Variants in CHRDL2 observed in about 807,000 individuals in gnomAD.
CHRDL2 encodes chordin like 2.
CHRDL2 carries 41 observed loss-of-function variants against 54.3 expected under a neutral mutation model. The observed-to-expected ratio is 0.76, with a 90% CI of 0.59 to 0.98. The LOEUF (loss-of-function observed/expected upper bound fraction) is 0.98, where lower values mean the gene tolerates loss of function less well. Among genes scored for constraint, CHRDL2 ranks in the 50% least tolerant of loss-of-function variants. The pLI, the probability that CHRDL2 is intolerant of heterozygous loss-of-function variation, is 0.00. For synonymous variants in CHRDL2, 220 were observed against 224.3 expected, an observed-to-expected ratio of 0.98 and a Z score of 0.17; for missense variants, 518 against 562.4, an observed-to-expected ratio of 0.92 and a Z score of 0.80.
intron 5 of CHRDL2, 59 bp from the exon 6 acceptor site, chr11:74,706,601 C>G: frequency 6.5e-7 from 1 of 1,532,046 alleles, no homozygotes; most frequent in Non-Finnish European, 9.0e-7. Context: ...CTGGCTAGAG[C>G]CCTGAGGCCT....
chr11:74,716,152 G>A (rs2034344789), intron 2 of CHRDL2, among the ~76,000 whole-genome samples: 1 of 152,214 alleles, frequency 6.6e-6, no homozygotes, highest in African/African-American at 2.4e-5. Flanking sequence ...AACATTCCAA[G>A]TGGAGGAAAC....
intron 9 of CHRDL2, chr11:74,698,222 C>T (rs1466048620): frequency 3.0e-5 from 4 of 133,754 alleles, no homozygotes; most frequent in African/African-American, 1.2e-4. Context: ...CGCCACCACA[C>T]CTGGCTAATT....
chr11:74,716,395 C>T (rs889215522), intron 2 of CHRDL2, among the ~76,000 whole-genome samples: 10 of 151,860 alleles, frequency 6.6e-5, no homozygotes, highest in Admixed American at 2.6e-4. Context: ...ATTAGCTGGG[C>T]GTGGCAGCAG....
intron 9 of CHRDL2, chr11:74,701,495 TCGTC>T: frequency 1.5e-6 from 1 of 652,908 alleles, no homozygotes; most frequent in South Asian, 1.7e-5. Context: ...TCCACTTTCT[TCGTC>T]CATTCCTCCT....
chr11:74,708,672 G>A lies in CHRDL2; in HGVS notation c.433-277C>T, dbSNP rs147597491. 1.9e-3 allele frequency among the ~76,000 whole-genome samples: 284 copies of A among 152,320 alleles called. 1 individual carries two copies. The highest frequency in any genetic ancestry group is 6.5e-3 in the African/African-American group (272 of 41,582). On this transcript the variant is annotated intron_variant, in intron 4 of 10. Transcript: ENST00000376332. ...CCCTAGCTGCTGCCTGGTAAGGCGG[G>A]AATCTCCCTATCCTACAAATGAGGA...
At chr11:74,696,689 A>G in intron 10 of CHRDL2, 104 bp from the exon 11 acceptor site, 1 of 839,874 alleles carries the variant, frequency 1.2e-6, no homozygotes, top group South Asian at 1.4e-5. Context: ...GAGGAACTGC[A>G]AGGGCCAGGG....
Position 74,702,952 on chromosome 11 carries a change from G to C in CHRDL2, c.962C>G (p.Pro321Arg). Residue 321 changes from proline to arginine, a missense_variant, in exon 9 of 11, where the codon CCT (proline) becomes CGT (arginine). Coordinates refer to ENST00000376332, the MANE Select transcript of CHRDL2 (RefSeq NM_001278473.3). ...CKICPEDKAD[P>R]GHSEISSTRC... ...GGTAGAACTGATCTCACTGTGGCCA[G>C]GGTCTGCTTTGTCCTCTGGAGAGAC... The C allele has an allele frequency of 6.2e-7, 1 of 1,613,088 alleles. No homozygotes were observed. The highest frequency in any genetic ancestry group is 8.5e-7 in the Non-Finnish European group (1 of 1,179,394).
intron 2 of CHRDL2, among the ~76,000 whole-genome samples, chr11:74,715,562 C>G (rs1015394456): frequency 1.3e-5 from 2 of 149,956 alleles, no homozygotes; most frequent in Non-Finnish European, 3.0e-5. Context: ...GAGATTACGA[C>G]ATGGCACTCC....
chr11:74,696,459 A>G lies in CHRDL2; in HGVS notation c.*50T>C, dbSNP rs774264579. The G allele has an allele frequency of 3.5e-6, 5 of 1,413,112 alleles. No individual in the cohort carries two copies. Among genetic ancestry groups the G allele is most frequent in the East Asian group, 2.3e-5 (1 of 43,532 alleles). The allele number at this position is 1,413,112 out of a possible 1,614,324, so 87.5% of individuals were successfully genotyped here. On this transcript the variant is annotated 3_prime_UTR_variant, in exon 11 of 11. Coordinates refer to ENST00000376332, the MANE Select transcript of CHRDL2 (RefSeq NM_001278473.3). ...GTAATGCAACTTCTTATTTATTAAT[A>G]TATAATAACAACAATTATACAGCTC...
Position 74,730,943 on chromosome 11 carries a change from C to A in CHRDL2, c.-55G>T. ...GGAGCGGAGTCGGGAGGAAGGGAGACGAAAAGGACACGGAGGCACAGGGGC... is the reference window on the plus strand; with the variant it reads ...GGAGCGGAGTCGGGAGGAAGGGAGAAGAAAAGGACACGGAGGCACAGGGGC... On this transcript the variant is annotated 5_prime_UTR_variant, in exon 1 of 11. Transcript: ENST00000376332. 6.9e-7 allele frequency: 1 copy of A among 1,456,528 alleles called. No homozygotes were observed. Among genetic ancestry groups the A allele is most frequent in the Non-Finnish European group, 9.4e-7 (1 of 1,062,652 alleles). 90.2% of individuals were successfully genotyped at this position (1,456,528 alleles called of 1,614,324 possible).
chr11:74,711,044 T>G, intron 3 of CHRDL2, 53 bp from the exon 4 acceptor site: 2 of 1,558,006 alleles, frequency 1.3e-6, no homozygotes, highest in Non-Finnish European at 8.7e-7. Context: ...CATGTGAATC[T>G]TTGCTGAAAT....
intron 2 of CHRDL2, among the ~76,000 whole-genome samples, chr11:74,714,434 C>T (rs950941418): frequency 1.3e-5 from 2 of 152,192 alleles, no homozygotes; most frequent in Non-Finnish European, 2.9e-5. Flanking sequence ...TTTCTAGCCC[C>T]GCTTCTCCCC....
chr11:74,701,747 A>AT (rs1418054918), intron 9 of CHRDL2: 1 of 546,220 alleles, frequency 1.8e-6, no homozygotes, highest in Non-Finnish European at 3.3e-6. Flanking sequence ...TGCTACACAC[A>AT]TTGGTTATTA....
chr11:74,708,676 C>T (rs890670456), intron 4 of CHRDL2, among the ~76,000 whole-genome samples: 1 of 152,224 alleles, frequency 6.6e-6, no homozygotes, highest in South Asian at 2.1e-4. Flanking sequence ...AGGCGGGAAT[C>T]TCCCTATCCT....
chr11:74,717,296 A>G (rs2034387539), intron 2 of CHRDL2, among the ~76,000 whole-genome samples: 1 of 152,178 alleles, frequency 6.6e-6, no homozygotes, highest in Non-Finnish European at 1.5e-5. Context: ...GATACCAGCA[A>G]AAGTCCTCTG....
At chr11:74,701,607 G>T in intron 9 of CHRDL2, 1 of 717,982 alleles carries the variant, frequency 1.4e-6, no homozygotes, top group Non-Finnish European at 2.6e-6. Context: ...GTGTGGCCTT[G>T]GGCCAGGTAC....
chr11:74,726,281 C>T (rs899737517), intron 1 of CHRDL2, among the ~76,000 whole-genome samples: 1 of 152,132 alleles, frequency 6.6e-6, no homozygotes, highest in African/African-American at 2.4e-5. Flanking sequence ...TCCCCTGTTT[C>T]CTTTGTGGGA....
intron 3 of CHRDL2, among the ~76,000 whole-genome samples, chr11:74,713,167 C>T (rs1207588936): frequency 6.6e-6 from 1 of 152,180 alleles, no homozygotes; most frequent in Non-Finnish European, 1.5e-5. Flanking sequence ...GCATGTCCTC[C>T]CTCCCCTGCC....
At position 74,700,640 on chromosome 11, in the gene CHRDL2, A is replaced by ATTT. The variant is rs1454728912; in HGVS notation, c.1120+2153_1120+2154insAAA. Among the ~76,000 whole-genome samples the ATTT allele has an allele frequency of 4.1e-3, 582 of 141,594 alleles. 3 individuals are homozygous for ATTT. The highest frequency in any genetic ancestry group is 0.013 in the African/African-American group (491 of 37,996). 92.9% of individuals were successfully genotyped at this position (141,594 alleles called of 152,430 possible). ...TCTTTTTTTTATTATTATTATTATTATTATTTTTTTTTTTTTGAGACGGAG... is the reference window on the plus strand; with the variant it reads ...TCTTTTTTTTATTATTATTATTATTATTTTTATTTTTTTTTTTTTGAGACGGAG... On this transcript the variant is annotated intron_variant, in intron 9 of 10. Transcript: ENST00000376332.
Sources: allele counts gnomAD v4.1 joint callset (sites outside exome capture counted in the v4.1 genomes callset), GRCh38; gene constraint gnomAD v4.1.1; transcripts MANE v1.5; gene names NCBI Gene and HGNC (gene_info 2026-07-23, HGNC 2026-07-21).